Variants in ZFHX3 observed in about 807,000 individuals in gnomAD.
ZFHX3 encodes the protein zinc finger homeobox 3.
In ZFHX3, 42 loss-of-function variants were observed where a neutral mutation model predicts 279.1. The ratio of observed to expected loss-of-function variants is 0.15; its 90% confidence interval spans 0.12 to 0.19. ZFHX3 has a LOEUF of 0.19. ZFHX3 is among the 10% of genes least tolerant of loss of function. The probability of loss-of-function intolerance (pLI) is 1.00; values close to 1 mark genes in which losing one functional copy is unlikely to be tolerated. For synonymous variants in ZFHX3, 2,293 were observed against 1,957.8 expected (o/e 1.17, Z -4.52); for missense variants, 4,981 against 4,754.0 (o/e 1.05, Z -1.40).
chr16:73,721,724 G>A lies in ZFHX3; in HGVS notation c.-1607-41484C>T, dbSNP rs2053475553. ...ACTCTGGAATCTGTTCATGCCTAAG[G>A]GAAATTATTATTAGCAGTTATAAAC... On this transcript the variant is annotated intron_variant, in intron 1 of 17. Coordinates refer to the ZFHX3 transcript ENST00000641206. Among the ~76,000 whole-genome samples, 2 of 152,234 alleles carry A rather than the reference G, an allele frequency of 1.3e-5. 1 individual carries two copies. Among genetic ancestry groups the A allele is most frequent in the Middle Eastern group, 6.8e-3 (2 of 294 alleles).
intron 2 of ZFHX3, among the ~76,000 whole-genome samples, chr16:73,600,144 T>G (rs1238881983): frequency 1.3e-5 from 2 of 152,182 alleles, no homozygotes; most frequent in African/African-American, 4.8e-5. Context: ...GCACCCAAAC[T>G]GTAAGTAACC....
At position 72,959,933 on chromosome 16, in the gene ZFHX3, G is replaced by A. The variant is rs748123031; in HGVS notation, c.213C>T (p.Pro71=). ...LAESTASAGP[P]SEPASKEVTC... The stretch of plus-strand genomic sequence containing the variant: ...TGACCTCCTTGCTGGCGGGCTCGGA[G>A]GGGGGCCCGGCCGACGCGGTGCTCT... Residue 71 remains proline (P), a synonymous_variant, in exon 2 of 10, where the codon CCC becomes CCT. Coordinates refer to ENST00000268489, the MANE Select transcript of ZFHX3 (RefSeq NM_006885.4). The A allele has an allele frequency of 1.1e-5, 18 of 1,595,692 alleles. No homozygotes were observed. The highest frequency in any genetic ancestry group is 1.7e-4 in the Middle Eastern group (1 of 6,004).
chr16:72,925,644 A>T (rs1376007436), intron 3 of ZFHX3, among the ~76,000 whole-genome samples: 1 of 152,232 alleles, frequency 6.6e-6, no homozygotes, highest in African/African-American at 2.4e-5. Context: ...TTTCACTTTG[A>T]AGCAATGAGG....
At chr16:73,535,364 T>C (rs1320247034) in intron 2 of ZFHX3, among the ~76,000 whole-genome samples, 1 of 152,198 alleles carries the variant, frequency 6.6e-6, no homozygotes, top group Non-Finnish European at 1.5e-5. Flanking sequence ...CTTAGGAATT[T>C]AACAATCCAC....
At chr16:73,156,733 T>C (rs1967094257) in intron 5 of ZFHX3, among the ~76,000 whole-genome samples, 1 of 151,774 alleles carries the variant, frequency 6.6e-6, no homozygotes, top group Admixed American at 6.6e-5. Context: ...TTTTTTTTTT[T>C]TTGAAGAGTC....
intron 5 of ZFHX3, among the ~76,000 whole-genome samples, chr16:73,256,034 T>A (rs7404068): frequency 1.3e-5 from 2 of 152,072 alleles, no homozygotes; most frequent in South Asian, 4.1e-4. Context: ...CATAGCAAAA[T>A]AGCGACGGCA....
At chr16:72,904,999 T>A (rs2039135142) in intron 3 of ZFHX3, among the ~76,000 whole-genome samples, 2 of 152,100 alleles carry the variant, frequency 1.3e-5, no homozygotes, top group Admixed American at 6.5e-5. Flanking sequence ...GCCCAGCTAA[T>A]TTTTGTATTT....
At chr16:73,010,024 G>GAAAAAAAAAA (rs10709712) in intron 1 of ZFHX3, among the ~76,000 whole-genome samples, 5,561 of 84,152 alleles carry the variant, frequency 0.066, 279 homozygotes, top group Non-Finnish European at 0.1. Flanking sequence ...CCCTCTCAAA[G>GAAAAAAAAAA]AAAAAAAAAA....
chr16:72,966,999 G>A (rs1011365795), intron 1 of ZFHX3, among the ~76,000 whole-genome samples: 2 of 152,160 alleles, frequency 1.3e-5, no homozygotes, highest in African/African-American at 2.4e-5. Context: ...CTCATTCCTG[G>A]GTGTTATCTA....
At chr16:73,449,005 T>G (rs1477532155) in intron 3 of ZFHX3, among the ~76,000 whole-genome samples, 1 of 152,184 alleles carries the variant, frequency 6.6e-6, no homozygotes, top group Non-Finnish European at 1.5e-5. Context: ...TCATAGAATA[T>G]AATGTCTAGT....
At chr16:73,039,664 G>C (rs916670717) in intron 1 of ZFHX3, among the ~76,000 whole-genome samples, 1 of 152,304 alleles carries the variant, frequency 6.6e-6, no homozygotes, top group East Asian at 1.9e-4. Context: ...ACCAGGAAGT[G>C]ACCAGGCCTG....
intron 1 of ZFHX3, among the ~76,000 whole-genome samples, chr16:73,687,047 T>TTTGCAGCTAA: frequency 1.2e-5 from 1 of 82,656 alleles, no homozygotes; most frequent in South Asian, 4.2e-4. Flanking sequence ...TATATATATA[T>TTTGCAGCTAA]ATATATATAT....
chr16:73,135,745 G>T (rs1966777291), intron 6 of ZFHX3, among the ~76,000 whole-genome samples: 2 of 152,162 alleles, frequency 1.3e-5, no homozygotes, highest in Non-Finnish European at 2.9e-5. Flanking sequence ...GTTACACTGG[G>T]CTTAGGAAAC....
At chr16:73,833,183 C>CAAGACCTCATCTCTACAAAAG (rs1961046079) in intron 1 of ZFHX3, among the ~76,000 whole-genome samples, 1 of 152,088 alleles carries the variant, frequency 6.6e-6, no homozygotes, top group Non-Finnish European at 1.5e-5. Flanking sequence ...GGCGACGTAG[C>CAAGACCTCATCTCTACAAAAG]AAGACCTCAT....
At chr16:73,568,828 A>C (rs539247468) in intron 2 of ZFHX3, among the ~76,000 whole-genome samples, 2 of 152,208 alleles carry the variant, frequency 1.3e-5, no homozygotes, top group East Asian at 3.9e-4. Context: ...ATTACATGGT[A>C]AATTATCGTC....
intron 4 of ZFHX3, among the ~76,000 whole-genome samples, chr16:73,265,757 T>C (rs1261442273): frequency 6.6e-6 from 1 of 152,164 alleles, no homozygotes; most frequent in Non-Finnish European, 1.5e-5. Flanking sequence ...TGGGCATTTG[T>C]ATAAAAATGG....
chr16:72,792,101 A>T (rs1181543438), intron 9 of ZFHX3, among the ~76,000 whole-genome samples: 1 of 152,188 alleles, frequency 6.6e-6, no homozygotes, highest in African/African-American at 2.4e-5. Flanking sequence ...GTGAAGGTCC[A>T]ATTTAGCAAA....
chr16:73,259,973 C>T (rs2013772858), intron 4 of ZFHX3, among the ~76,000 whole-genome samples: 1 of 152,004 alleles, frequency 6.6e-6, no homozygotes, highest in South Asian at 2.1e-4. Context: ...TTGTCCTTAA[C>T]CGTAAAATAA....
At chr16:73,162,516 G>A (rs1280273063) in intron 5 of ZFHX3, among the ~76,000 whole-genome samples, 2 of 152,086 alleles carry the variant, frequency 1.3e-5, no homozygotes, top group Non-Finnish European at 2.9e-5. Context: ...GTAATGTAAT[G>A]CATAAAATGA....
Sources: allele counts gnomAD v4.1 joint callset (sites outside exome capture counted in the v4.1 genomes callset), GRCh38; gene constraint gnomAD v4.1.1; transcripts MANE v1.5; gene names NCBI Gene and HGNC (gene_info 2026-07-23, HGNC 2026-07-21).